POU2F3: variants seen among roughly 807,000 people sequenced by gnomAD.
POU2F3 encodes the protein POU domain, class 2, transcription factor 3.
A neutral mutation model predicts 59.2 loss-of-function variants in POU2F3; 23 were observed. The observed-to-expected ratio is 0.39, with a 90% CI of 0.28 to 0.55. POU2F3 has a LOEUF of 0.55. POU2F3 is among the 20% of genes least tolerant of loss of function. POU2F3 has a pLI of 0.66. For missense variants in POU2F3, 473 were observed against 544.5 expected, an observed-to-expected ratio of 0.87 and a Z score of 1.31; for synonymous variants, 190 against 214.6, an observed-to-expected ratio of 0.89 and a Z score of 1.00.
At chr11:120,276,254 C>G (rs968542841) in intron 3 of POU2F3, among the ~76,000 whole-genome samples, 1 of 152,184 alleles carries the variant, frequency 6.6e-6, no homozygotes, top group African/African-American at 2.4e-5. Flanking sequence ...CTGCACTTAG[C>G]TGACTATTAG....
At position 120,318,471 on chromosome 11, in the gene POU2F3, A is replaced by T. The variant is rs375456701; in HGVS notation, c.*79A>T. ...GGAATCATGCCTTCTATATACAGAC[A>T]GATTGCCTTCAGAAGAGTGGAAGAA... On this transcript the variant is annotated 3_prime_UTR_variant, in exon 13 of 13. Coordinates refer to ENST00000543440, the MANE Select transcript of POU2F3 (RefSeq NM_014352.4). 75 of 1,403,264 alleles carry T rather than the reference A, an allele frequency of 5.3e-5. No homozygotes were observed. The highest frequency in any genetic ancestry group is 7.6e-5 in the Non-Finnish European group (75 of 991,050). 86.9% of individuals were successfully genotyped at this position (1,403,264 alleles called of 1,614,324 possible). A position where few individuals can be genotyped will look rare whatever the true frequency, so the allele number is the denominator to read the frequency against.
At chr11:120,302,469 C>A in intron 6 of POU2F3, 101 bp downstream of exon 6, 1 of 1,118,426 alleles carries the variant, frequency 8.9e-7, no homozygotes, top group East Asian at 2.6e-5. Flanking sequence ...GCACTAACCC[C>A]TCTGGGGAGA....
At chr11:120,256,719 G>A (rs900240886) in intron 2 of POU2F3, 5 of 152,368 alleles carry the variant, frequency 3.3e-5, no homozygotes, top group Non-Finnish European at 7.3e-5. Context: ...AGGGGAGGGA[G>A]CTGGTGGAAG....
chr11:120,245,485 G>A lies in POU2F3; in HGVS notation c.29-964G>A, dbSNP rs1293158194. 2.6e-5 allele frequency among the ~76,000 whole-genome samples: 4 copies of A among 152,170 alleles called. No homozygotes were observed. The East Asian group carries it at 7.7e-4, about 29-fold the overall frequency. ...TAAAGTGCTGCCCCAGAGAAGGGGG[G>A]GTGTGGGGGTCAACATGATTTGAAT... On this transcript the variant is annotated intron_variant, in intron 1 of 12. Coordinates refer to ENST00000543440, the MANE Select transcript of POU2F3 (RefSeq NM_014352.4).
upstream of POU2F3, among the ~76,000 whole-genome samples, chr11:120,239,187 G>C (rs181229608): frequency 6.6e-6 from 1 of 152,238 alleles, no homozygotes; most frequent in African/African-American, 2.4e-5. Flanking sequence ...GAGGAGTCCT[G>C]TCTGGGAAGG....
chr11:120,249,493 A>G (rs1237748362), intron 2 of POU2F3, among the ~76,000 whole-genome samples: 1 of 152,174 alleles, frequency 6.6e-6, no homozygotes, highest in Admixed American at 6.5e-5. Flanking sequence ...TACAGGCATG[A>G]GCCACCGCAC....
intron 3 of POU2F3, among the ~76,000 whole-genome samples, chr11:120,279,180 G>T (rs1442243658): frequency 6.6e-6 from 1 of 151,748 alleles, no homozygotes; most frequent in East Asian, 1.9e-4. Flanking sequence ...CCGACTCTGT[G>T]GTTCTCCCCC....
chr11:120,260,546 G>A (rs1463292059), intron 2 of POU2F3, among the ~76,000 whole-genome samples: 1 of 152,160 alleles, frequency 6.6e-6, no homozygotes, highest in African/African-American at 2.4e-5. Context: ...GGAATCCTGG[G>A]GCTCCCCAGA....
At chr11:120,295,946 T>C (rs1435969857) in intron 3 of POU2F3, among the ~76,000 whole-genome samples, 2 of 152,230 alleles carry the variant, frequency 1.3e-5, no homozygotes, top group East Asian at 3.8e-4. Context: ...CCAATTTCTG[T>C]GCAACCAGGG....
chr11:120,303,906 G>A (rs57478850), intron 6 of POU2F3: 82 of 152,288 alleles, frequency 5.4e-4, no homozygotes, highest in African/African-American at 1.9e-3. Context: ...ACAGTGCCTG[G>A]ACCCCTAGGC....
intron 1 of POU2F3, among the ~76,000 whole-genome samples, chr11:120,242,735 G>T (rs1362283393): frequency 3.3e-5 from 5 of 152,210 alleles, no homozygotes; most frequent in Non-Finnish European, 4.4e-5. Flanking sequence ...TACGAGCCAT[G>T]ATTCAGGTCT....
chr11:120,283,473 A>G (rs938296472), intron 3 of POU2F3, among the ~76,000 whole-genome samples: 20 of 152,282 alleles, frequency 1.3e-4, no homozygotes, highest in African/African-American at 4.8e-4. Context: ...GTCCAAGTGC[A>G]TAAGAGGCCT....
intron 1 of POU2F3, among the ~76,000 whole-genome samples, chr11:120,245,765 C>T (rs986905810): frequency 6.6e-6 from 1 of 152,184 alleles, no homozygotes; most frequent in African/African-American, 2.4e-5. Context: ...TAGGTATTCT[C>T]TTTCTGTGGG....
chr11:120,262,247 T>C (rs1368993269), intron 2 of POU2F3, among the ~76,000 whole-genome samples: 1 of 152,248 alleles, frequency 6.6e-6, no homozygotes, highest in Non-Finnish European at 1.5e-5. Flanking sequence ...CAGCCACATA[T>C]CCATCATCTG....
At chr11:120,298,170 G>A (rs1941243139) in intron 3 of POU2F3, 95 bp from the exon 4 acceptor site, 1 of 1,443,320 alleles carries the variant, frequency 6.9e-7, no homozygotes, top group Admixed American at 2.0e-5. Flanking sequence ...CTCTAGGCTG[G>A]TCACTCCTTT....
chr11:120,266,921 A>G (rs1044569951), intron 2 of POU2F3, among the ~76,000 whole-genome samples: 3 of 152,266 alleles, frequency 2.0e-5, no homozygotes, highest in African/African-American at 7.2e-5. Context: ...CACCTTGCAC[A>G]TAGACTGTGC....
intron 1 of POU2F3, among the ~76,000 whole-genome samples, chr11:120,241,784 G>T (rs1938675025): frequency 6.6e-6 from 1 of 152,142 alleles, no homozygotes; most frequent in South Asian, 2.1e-4. Context: ...GTCTACTGGA[G>T]GCTCCCATTC....
rs1011551330 is a variant in POU2F3, at chr11:120,246,620, C to G, written c.97+103C>G. ...CTTCTTGCTTGGTCTTTCAGCCAAC[C>G]AGACCCCAAAGCTAGGTCTTAGGAA... On this transcript the variant is annotated intron_variant, in intron 2 of 12. Coordinates refer to ENST00000543440, the MANE Select transcript of POU2F3 (RefSeq NM_014352.4). The G allele has an allele frequency of 8.0e-6, 10 of 1,244,640 alleles. No individual in the cohort carries two copies. In the African/African-American group the frequency reaches 1.5e-4, roughly 18 times the overall value. 77.1% of individuals were successfully genotyped at this position (1,244,640 alleles called of 1,614,324 possible).
At chr11:120,304,696 A>G (rs1591437714) in intron 6 of POU2F3, among the ~76,000 whole-genome samples, 1 of 150,230 alleles carries the variant, frequency 6.7e-6, no homozygotes, top group African/African-American at 2.4e-5. Flanking sequence ...CAACCCTGCT[A>G]GCTCCTTTTA....
Sources: gnomAD v4.1 joint callset for allele counts (sites outside exome capture counted in the v4.1 genomes callset) on GRCh38, gnomAD v4.1.1 for gene constraint, MANE v1.5 for transcripts, NCBI Gene and HGNC (gene_info 2026-07-23, HGNC 2026-07-21) for gene names.